SLC15A1: variants seen among roughly 807,000 people sequenced by gnomAD.
SLC15A1 encodes solute carrier family 15 member 1.
A neutral mutation model predicts 92.9 loss-of-function variants in SLC15A1; 83 were observed. The observed-to-expected ratio is 0.89, with a 90% CI of 0.75 to 1.07. SLC15A1 has a LOEUF of 1.07. SLC15A1 is among the 50% of genes least tolerant of loss of function. The probability of loss-of-function intolerance (pLI) is 0.00; values close to 1 mark genes in which losing one functional copy is unlikely to be tolerated. For synonymous variants in SLC15A1, 322 were observed against 318.2 expected (o/e 1.01, Z -0.13); for missense variants, 857 against 880.1 (o/e 0.97, Z 0.33).
chr13:98,709,691 C>A, intron 13 of SLC15A1, 31 bp from the exon 14 acceptor site: 1 of 1,614,116 alleles, frequency 6.2e-7, no homozygotes, highest in Admixed American at 1.7e-5. Context: ...AAATGTTAAG[C>A]TTGTCTCAAA....
chr13:98,696,110 A>G (rs1246624282), intron 18 of SLC15A1, among the ~76,000 whole-genome samples: 1 of 151,426 alleles, frequency 6.6e-6, no homozygotes. Flanking sequence ...TTTGAAGACA[A>G]TTTTTTTAAA....
intron 1 of SLC15A1, among the ~76,000 whole-genome samples, chr13:98,735,855 T>C (rs1157812812): frequency 1.3e-5 from 2 of 152,144 alleles, no homozygotes; most frequent in Admixed American, 1.3e-4. Flanking sequence ...CACACACAAA[T>C]GGAAGAACAT....
chr13:98,748,501 C>T lies in SLC15A1; in HGVS notation c.4+4094G>A, dbSNP rs561004303. Among the ~76,000 whole-genome samples the T allele has an allele frequency of 8.1e-4, 124 of 152,172 alleles. 1 individual carries two copies. The highest frequency in any genetic ancestry group is 2.8e-3 in the African/African-American group (116 of 41,518). ...GTGGAGACGGGGTTTTGCCATGTTGCGCAGACTGATTTCAAACTCCTGAGC... is the reference window on the plus strand; with the variant it reads ...GTGGAGACGGGGTTTTGCCATGTTGTGCAGACTGATTTCAAACTCCTGAGC... On this transcript the variant is annotated intron_variant, in intron 1 of 22. Coordinates refer to ENST00000376503, the MANE Select transcript of SLC15A1 (RefSeq NM_005073.4).
At chr13:98,733,456 T>A (rs1207142611) in intron 1 of SLC15A1, among the ~76,000 whole-genome samples, 3 of 152,232 alleles carry the variant, frequency 2.0e-5, no homozygotes, top group Non-Finnish European at 4.4e-5. Context: ...AGTGCATACC[T>A]GGCACCTGGC....
intron 6 of SLC15A1, 99 bp downstream of exon 6, chr13:98,721,705 T>C: frequency 2.2e-6 from 3 of 1,337,646 alleles, no homozygotes; most frequent in Non-Finnish European, 3.1e-6. Context: ...CTAATGTACT[T>C]AAAAAGAATC....
At chr13:98,707,752 G>A (rs1418584267) in intron 15 of SLC15A1, among the ~76,000 whole-genome samples, 1 of 151,828 alleles carries the variant, frequency 6.6e-6, no homozygotes, top group Non-Finnish European at 1.5e-5. Flanking sequence ...TAAATTAGTC[G>A]AGTGTGGTGG....
At position 98,693,389 on chromosome 13, in the gene SLC15A1, C is replaced by T. The variant is rs546456913; in HGVS notation, c.1467-4812G>A. Among the ~76,000 whole-genome samples the T allele has an allele frequency of 5.9e-5, 9 of 152,236 alleles. No homozygotes were observed. In the South Asian group the frequency reaches 1.0e-3, roughly 18 times the overall value. On this transcript the variant is annotated intron_variant, in intron 18 of 22. Coordinates refer to ENST00000376503, the MANE Select transcript of SLC15A1 (RefSeq NM_005073.4). The stretch of plus-strand genomic sequence containing the variant: ...CTGGGATTACAGGCGTGAGCCACTG[C>T]GACTGGCCTATTGCCTATCTTTTTG...
rs2088521075 is a variant in SLC15A1, at chr13:98,749,184, G to T, written c.4+3411C>A. Among the ~76,000 whole-genome samples, 13 of 152,328 alleles carry T rather than the reference G, an allele frequency of 8.5e-5. No homozygotes were observed. The South Asian group carries it at 2.7e-3, about 32-fold the overall frequency. On this transcript the variant is annotated intron_variant, in intron 1 of 22. Transcript: ENST00000376503. ...TCTTCGGTTGACTCAAGAGTTGACA[G>T]GAGGAGGAGAGAATGTGGAGGGACG...
At chr13:98,699,602 C>T (rs1035426645) in intron 18 of SLC15A1, among the ~76,000 whole-genome samples, 5 of 152,156 alleles carry the variant, frequency 3.3e-5, no homozygotes, top group African/African-American at 1.2e-4. Flanking sequence ...TTTATGTGAA[C>T]ACAAGTTTCC....
intron 18 of SLC15A1, among the ~76,000 whole-genome samples, chr13:98,697,324 G>A (rs982671674): frequency 2.6e-5 from 4 of 152,164 alleles, no homozygotes; most frequent in Non-Finnish European, 4.4e-5. Flanking sequence ...AAAGTGCTGC[G>A]ATTACAGGTG....
At chr13:98,726,344 G>C in intron 3 of SLC15A1, 24 bp downstream of exon 3, 1 of 1,614,042 alleles carries the variant, frequency 6.2e-7, no homozygotes, top group Non-Finnish European at 8.5e-7. Flanking sequence ...TCCCTGAAGG[G>C]TGAGAAACGG....
chr13:98,697,216 C>A (rs547795266), intron 18 of SLC15A1, among the ~76,000 whole-genome samples: 2 of 152,100 alleles, frequency 1.3e-5, no homozygotes, highest in African/African-American at 4.8e-5. Flanking sequence ...CCACCACGCC[C>A]GGCTAATTTT....
At chr13:98,739,706 A>G (rs921955344) in intron 1 of SLC15A1, among the ~76,000 whole-genome samples, 2 of 152,172 alleles carry the variant, frequency 1.3e-5, no homozygotes, top group Non-Finnish European at 2.9e-5. Context: ...AGCCAATTAA[A>G]CCTTCTTTCT....
intron 14 of SLC15A1, among the ~76,000 whole-genome samples, chr13:98,709,255 C>A (rs1356607117): frequency 6.6e-6 from 1 of 152,196 alleles, no homozygotes; most frequent in Non-Finnish European, 1.5e-5. Flanking sequence ...AGGCGTGAGC[C>A]ACTGTGCCTG....
chr13:98,697,830 G>C (rs1342887752), intron 18 of SLC15A1, among the ~76,000 whole-genome samples: 1 of 152,126 alleles, frequency 6.6e-6, no homozygotes, highest in Non-Finnish European at 1.5e-5. Context: ...TAAAATCCAA[G>C]AAAGAAAGGC....
chr13:98,700,649 A>G (rs1269309256), intron 18 of SLC15A1, among the ~76,000 whole-genome samples: 1 of 152,134 alleles, frequency 6.6e-6, no homozygotes, highest in African/African-American at 2.4e-5. Context: ...ATAGTTTTAC[A>G]TTTTACTTGT....
At chr13:98,726,556 T>TA (rs2139596400) in intron 2 of SLC15A1, 107 bp from the exon 3 acceptor site, 1 of 973,480 alleles carries the variant, frequency 1.0e-6, no homozygotes, top group African/African-American at 1.6e-5. Flanking sequence ...TTCAGTAACT[T>TA]ACCGGTGACT....
Position 98,749,616 on chromosome 13 carries a change from G to A in SLC15A1, c.4+2979C>T, listed in dbSNP as rs528573862. On this transcript the variant is annotated intron_variant, in intron 1 of 22. Transcript: ENST00000376503. ...GACGCTTCTTCCCAGCATATAAGAA[G>A]TTTTCTGCTATTCAGAGACTGAATT... is the stretch of plus-strand genomic sequence containing the variant. 3.9e-5 allele frequency among the ~76,000 whole-genome samples: 6 copies of A among 152,264 alleles called. No homozygotes were observed. The South Asian group carries it at 1.0e-3, about 26-fold the overall frequency.
In SLC15A1 at chr13:98,721,508, T is replaced by A; in HGVS notation, c.543A>T (p.Thr181=). The stretch of plus-strand genomic sequence containing the variant: ...GGTATCTCTTACCTCTGAGCATGGG[T>A]GTGATGATTGTGGAAAGCAAACTTC... ...NAGSLLSTII[T]PMLRVQQCGI... is the part of the protein sequence containing the mutation. The change falls in exon 7 of 23, where the codon ACA becomes ACT. Residue 181 remains threonine, a synonymous_variant. Coordinates refer to ENST00000376503, the MANE Select transcript of SLC15A1 (RefSeq NM_005073.4). The A allele has an allele frequency of 6.2e-7, 1 of 1,612,666 alleles. No homozygotes were observed. Among genetic ancestry groups the A allele is most frequent in the Non-Finnish European group, 8.5e-7 (1 of 1,178,952 alleles).
Sources: gnomAD v4.1 joint callset for allele counts (sites outside exome capture counted in the v4.1 genomes callset) on GRCh38, gnomAD v4.1.1 for gene constraint, MANE v1.5 for transcripts, NCBI Gene and HGNC (gene_info 2026-07-23, HGNC 2026-07-21) for gene names.